The following ROCK2 variants were observed in gnomAD, a reference collection of about 807,000 sequenced individuals.
ROCK2 encodes Rho associated coiled-coil containing protein kinase 2.
A neutral mutation model predicts 195.1 loss-of-function variants in ROCK2; 61 were observed. The observed-to-expected ratio is 0.31, with a 90% confidence interval of 0.25 to 0.39. The LOEUF is 0.39. Among genes scored for constraint, ROCK2 ranks in the 10% least tolerant of loss-of-function variants. The pLI, the probability that ROCK2 is intolerant of heterozygous loss-of-function variation, is 1.00. For synonymous variants in ROCK2, 504 were observed against 545.5 expected, an observed-to-expected ratio of 0.92 and a Z score of 1.06; for missense variants, 1,109 against 1,637.4, an observed-to-expected ratio of 0.68 and a Z score of 5.57.
At position 11,322,089 on chromosome 2, in the gene ROCK2, T is replaced by C. The variant is rs537232409; in HGVS notation, c.141+21907A>G. ...CACAGTGAGAAGGTGACCATCTGCATGCCAAGGAGAAAAACCTCAGAAGAA... is the reference window on the plus strand; with the variant it reads ...CACAGTGAGAAGGTGACCATCTGCACGCCAAGGAGAAAAACCTCAGAAGAA... On this transcript the variant is annotated intron_variant, in intron 1 of 32. Coordinates refer to ENST00000315872, the MANE Select transcript of ROCK2 (RefSeq NM_004850.5). 2.0e-5 allele frequency among the ~76,000 whole-genome samples: 3 copies of C among 152,188 alleles called. No individual in the cohort carries two copies. The South Asian group carries it at 6.2e-4, about 32-fold the overall frequency.
At chr2:11,223,711 C>T (rs1316806166) in intron 7 of ROCK2, among the ~76,000 whole-genome samples, 1 of 152,010 alleles carries the variant, frequency 6.6e-6, no homozygotes, top group Non-Finnish European at 1.5e-5. Context: ...AGGATGACTC[C>T]TATCACAAAT....
At chr2:11,295,556 A>G (rs1326243308) in intron 1 of ROCK2, among the ~76,000 whole-genome samples, 1 of 152,188 alleles carries the variant, frequency 6.6e-6, no homozygotes, top group African/African-American at 2.4e-5. Context: ...TATGGCTTCA[A>G]TATTTTGATA....
intron 8 of ROCK2, 46 bp from the exon 9 acceptor site, chr2:11,221,403 T>A (rs755137983): frequency 7.4e-7 from 1 of 1,355,082 alleles, no homozygotes; most frequent in Non-Finnish European, 1.0e-6. Flanking sequence ...AACCAAAATA[T>A]ATAAACCATC....
At chr2:11,199,405 C>T (rs1663769871) in intron 23 of ROCK2, among the ~76,000 whole-genome samples, 1 of 151,738 alleles carries the variant, frequency 6.6e-6, no homozygotes, top group South Asian at 2.1e-4. Flanking sequence ...TAGCCTCAGC[C>T]TCCAAGGCTC....
intron 1 of ROCK2, among the ~76,000 whole-genome samples, chr2:11,306,331 TAAAAG>T (rs1667857336): frequency 6.6e-6 from 1 of 152,232 alleles, no homozygotes; most frequent in Non-Finnish European, 1.5e-5. Flanking sequence ...AGTCTTCACT[TAAAAG>T]TAACCTTTTC....
In ROCK2 at chr2:11,275,211, C is replaced by T. The variant is rs114650983; in HGVS notation, c.324+11328G>A. ...GGCAGAGGTTGCAGTGAGCCGTAAT[C>T]GTGCCATTGCACTCCAGCCTGGGGG... is the stretch of plus-strand genomic sequence containing the variant. On this transcript the variant is annotated intron_variant, in intron 3 of 32. Transcript: ENST00000315872. Among the ~76,000 whole-genome samples, 935 of 150,896 alleles carry T rather than the reference C, an allele frequency of 6.2e-3. 3 individuals carry two copies. The highest frequency in any genetic ancestry group is 0.022 in the African/African-American group (904 of 40,978).
chr2:11,319,367 T>C lies in ROCK2; in HGVS notation c.141+24629A>G, dbSNP rs973124585. 3.9e-5 allele frequency among the ~76,000 whole-genome samples: 6 copies of C among 152,228 alleles called. No individual in the cohort carries two copies. In the East Asian group the frequency reaches 7.7e-4, roughly 20 times the overall value. On this transcript the variant is annotated intron_variant, in intron 1 of 32. Coordinates refer to ENST00000315872, the MANE Select transcript of ROCK2 (RefSeq NM_004850.5). ...AGGTATTTTATTCTCTTTGAAGCAATTGTGAATGGGAATTCACTCATGATT... is the reference window on the plus strand; with the variant it reads ...AGGTATTTTATTCTCTTTGAAGCAACTGTGAATGGGAATTCACTCATGATT...
At chr2:11,314,714 C>T (rs1279001329) in intron 1 of ROCK2, among the ~76,000 whole-genome samples, 1 of 151,944 alleles carries the variant, frequency 6.6e-6, no homozygotes, top group East Asian at 1.9e-4. Context: ...AGATGTTCTT[C>T]AAATAGCTAA....
At chr2:11,304,195 A>G (rs886597852) in intron 1 of ROCK2, among the ~76,000 whole-genome samples, 2 of 152,150 alleles carry the variant, frequency 1.3e-5, no homozygotes, top group African/African-American at 4.8e-5. Flanking sequence ...CAAGACCCAT[A>G]TATCTATTTG....
intron 3 of ROCK2, among the ~76,000 whole-genome samples, chr2:11,257,766 C>G (rs746967196): frequency 2.0e-5 from 3 of 151,236 alleles, no homozygotes; most frequent in Non-Finnish European, 4.4e-5. Flanking sequence ...TTAGGAGATT[C>G]GAAATCAAAC....
chr2:11,289,834 T>C (rs1422392688), intron 1 of ROCK2, among the ~76,000 whole-genome samples: 1 of 152,164 alleles, frequency 6.6e-6, no homozygotes, highest in Non-Finnish European at 1.5e-5. Flanking sequence ...CCCATAAGAT[T>C]CCCCAGTAGA....
chr2:11,289,968 G>A (rs6707667), intron 1 of ROCK2, among the ~76,000 whole-genome samples: 58,803 of 151,918 alleles, frequency 0.39, 13,291 homozygotes, highest in Admixed American at 0.52. Context: ...TTATTTTTAC[G>A]TAGCATCAAT....
chr2:11,224,792 G>A (rs993260017), intron 6 of ROCK2, among the ~76,000 whole-genome samples: 21 of 151,944 alleles, frequency 1.4e-4, no homozygotes, highest in African/African-American at 4.8e-4. Context: ...CCTATGTGGG[G>A]TCAGATCAGT....
At chr2:11,207,414 CAATA>C (rs1664091552) in intron 20 of ROCK2, among the ~76,000 whole-genome samples, 3 of 152,130 alleles carry the variant, frequency 2.0e-5, no homozygotes, top group African/African-American at 7.2e-5. Flanking sequence ...GGCACACGGA[CAATA>C]AGCTTGAGAA....
chr2:11,303,828 G>A (rs894790344), intron 1 of ROCK2, among the ~76,000 whole-genome samples: 1 of 152,040 alleles, frequency 6.6e-6, no homozygotes, highest in Non-Finnish European at 1.5e-5. Flanking sequence ...CCTACATGTT[G>A]CTAATCCAAT....
chr2:11,220,207 G>A (rs370614920), intron 9 of ROCK2, among the ~76,000 whole-genome samples: 4 of 152,038 alleles, frequency 2.6e-5, no homozygotes, highest in African/African-American at 7.2e-5. Flanking sequence ...TAGTAGAGAC[G>A]GGGTTTCTCT....
At chr2:11,324,613 T>C (rs1668494112) in intron 1 of ROCK2, among the ~76,000 whole-genome samples, 2 of 152,136 alleles carry the variant, frequency 1.3e-5, no homozygotes, top group South Asian at 4.1e-4. Context: ...AAATGAGCTA[T>C]CAAGCCATGA....
chr2:11,321,158 G>C (rs149304809), intron 1 of ROCK2, among the ~76,000 whole-genome samples: 2 of 152,174 alleles, frequency 1.3e-5, no homozygotes, highest in Non-Finnish European at 2.9e-5. Context: ...GCATAACAAA[G>C]CAAGGCACAA....
intron 32 of ROCK2, among the ~76,000 whole-genome samples, chr2:11,188,661 T>A (rs1441114824): frequency 6.6e-6 from 1 of 151,726 alleles, no homozygotes; most frequent in Admixed American, 6.6e-5. Flanking sequence ...AGTCTCACTG[T>A]CGCCCAGGCT....
Sources: gnomAD v4.1 joint callset for allele counts (sites outside exome capture counted in the v4.1 genomes callset) on GRCh38, gnomAD v4.1.1 for gene constraint, MANE v1.5 for transcripts, NCBI Gene and HGNC (gene_info 2026-07-23, HGNC 2026-07-21) for gene names.